Variants in RLF observed in about 807,000 individuals in gnomAD.
The protein encoded by RLF is zinc finger protein Rlf.
A neutral mutation model predicts 162.9 loss-of-function variants in RLF; 7 were observed. That is an observed-to-expected ratio of 0.04 (90% CI 0.02 to 0.08). RLF has a LOEUF of 0.08. Among genes scored for constraint, RLF ranks in the 10% least tolerant of loss-of-function variants. The pLI, the probability that RLF is intolerant of heterozygous loss-of-function variation, is 1.00. For synonymous variants in RLF, 782 were observed against 791.5 expected (o/e 0.99, Z 0.20); for missense variants, 1,664 against 2,244.7 (o/e 0.74, Z 5.23).
chr1:40,225,376 C>T (rs992502082), intron 6 of RLF, among the ~76,000 whole-genome samples: 9 of 151,722 alleles, frequency 5.9e-5, no homozygotes, highest in Admixed American at 4.6e-4. Flanking sequence ...GTCAGGAGTT[C>T]GAGACTAGCC....
chr1:40,207,193 A>G (rs1184920563), intron 5 of RLF, among the ~76,000 whole-genome samples: 1 of 152,226 alleles, frequency 6.6e-6, no homozygotes, highest in Non-Finnish European at 1.5e-5. Flanking sequence ...TTAGCCATGT[A>G]GGCACTCAAT....
intron 5 of RLF, among the ~76,000 whole-genome samples, chr1:40,213,311 T>A (rs1642885934): frequency 6.6e-6 from 1 of 152,216 alleles, no homozygotes; most frequent in African/African-American, 2.4e-5. Flanking sequence ...ATGATTGCAC[T>A]GGAGGGGGTC....
chr1:40,240,437 G>A lies in RLF; in HGVS notation c.5735G>A (p.Gly1912Glu). The A allele has an allele frequency of 6.2e-7, 1 of 1,610,926 alleles. No individual in the cohort carries two copies. Among genetic ancestry groups the A allele is most frequent in the Non-Finnish European group, 8.5e-7 (1 of 1,178,344 alleles). The change falls in exon 8 of 8, where the codon GGA becomes GAA. Residue 1912 changes from glycine to glutamate, a missense_variant. Transcript: ENST00000372771. ...PTKKTDELCV[G>E]SS is the part of the protein sequence containing the mutation. ...AAAAAGACAGATGAGCTTTGTGTAGGAAGTTCATAAGTAGCAATTTTGTTT... is the reference window on the plus strand; with the variant it reads ...AAAAAGACAGATGAGCTTTGTGTAGAAAGTTCATAAGTAGCAATTTTGTTT...
At chr1:40,177,111 C>G (rs1329038834) in intron 1 of RLF, among the ~76,000 whole-genome samples, 1 of 151,912 alleles carries the variant, frequency 6.6e-6, no homozygotes, top group African/African-American at 2.4e-5. Context: ...CCTCAGACTC[C>G]TGAGTAGCTG....
chr1:40,177,456 A>AT (rs1035060752), intron 1 of RLF, among the ~76,000 whole-genome samples: 122 of 148,034 alleles, frequency 8.2e-4, no homozygotes, highest in African/African-American at 2.1e-3. Flanking sequence ...CGCCTGGCTA[A>AT]TTTTTTTTTT....
intron 7 of RLF, among the ~76,000 whole-genome samples, chr1:40,232,401 T>G (rs1246070169): frequency 6.6e-6 from 1 of 152,166 alleles, no homozygotes; most frequent in Admixed American, 6.6e-5. Flanking sequence ...CAGTTCAGTT[T>G]TGTAAATCAG....
intron 6 of RLF, among the ~76,000 whole-genome samples, chr1:40,225,462 C>T (rs1036375931): frequency 1.3e-5 from 2 of 151,794 alleles, no homozygotes; most frequent in Admixed American, 1.3e-4. Flanking sequence ...GCCTGTAATC[C>T]CAGCTACCCT....
chr1:40,161,645 C>G lies in RLF; in HGVS notation c.237+9C>G, dbSNP rs1375620315. ...GCCGGAGCTTCTGCCAGGTGAGGGG[C>G]TGACTGGCTGGCTGAGGGCGGCGGG... On this transcript the variant is annotated intron_variant, in intron 1 of 7. Coordinates refer to ENST00000372771, the MANE Select transcript of RLF (RefSeq NM_012421.4). This position sits in a 1 kb window ranked among gnomAD's most constrained non-coding sequence, Gnocchi z 4.4. 2 of 1,608,954 alleles carry G rather than the reference C, an allele frequency of 1.2e-6. No individual in the cohort carries two copies. Among genetic ancestry groups the G allele is most frequent in the Admixed American group, 3.4e-5 (2 of 59,414 alleles).
At chr1:40,197,256 G>A (rs1006080061) in intron 4 of RLF, among the ~76,000 whole-genome samples, 1 of 152,204 alleles carries the variant, frequency 6.6e-6, no homozygotes, top group African/African-American at 2.4e-5. Flanking sequence ...GAAAAGTGCT[G>A]TTAAATAGAA....
At chr1:40,165,009 G>A (rs929796565) in intron 1 of RLF, among the ~76,000 whole-genome samples, 1 of 152,138 alleles carries the variant, frequency 6.6e-6, no homozygotes, top group Admixed American at 6.5e-5. Flanking sequence ...GTGTGACCTT[G>A]GGCATGTTAT....
chr1:40,239,574 A>G lies in RLF; in HGVS notation c.4872A>G (p.Glu1624=). 1 of 1,614,168 alleles carries G rather than the reference A, an allele frequency of 6.2e-7. No individual in the cohort carries two copies. The highest frequency in any genetic ancestry group is 8.5e-7 in the Non-Finnish European group (1 of 1,180,034). ...ENRSCESERT[E]HSHSPGDSSA... ...GAAGCTGTGAATCAGAGCGCACAGA[A>G]CACAGCCATTCCCCGGGTGACAGTA... Residue 1624 remains glutamate (E), a synonymous_variant, in exon 8 of 8, where the codon GAA becomes GAG. Transcript: ENST00000372771.
At chr1:40,187,448 G>GT (rs1230707073) in intron 1 of RLF, among the ~76,000 whole-genome samples, 1 of 152,088 alleles carries the variant, frequency 6.6e-6, no homozygotes, top group East Asian at 1.9e-4. Flanking sequence ...ATGTTACTCA[G>GT]TTTTTTTATT....
chr1:40,182,124 G>A (rs943109294), intron 1 of RLF, among the ~76,000 whole-genome samples: 4 of 151,928 alleles, frequency 2.6e-5, no homozygotes, highest in African/African-American at 9.7e-5. Flanking sequence ...TAAAATGTTC[G>A]GTTTAGGCAT....
At position 40,161,646 on chromosome 1, in the gene RLF, T is replaced by G; in HGVS notation, c.237+10T>G. The stretch of plus-strand genomic sequence containing the variant: ...CCGGAGCTTCTGCCAGGTGAGGGGC[T>G]GACTGGCTGGCTGAGGGCGGCGGGG... On this transcript the variant is annotated intron_variant, in intron 1 of 7. Coordinates refer to ENST00000372771, the MANE Select transcript of RLF (RefSeq NM_012421.4). This position sits in a 1 kb window ranked among gnomAD's most constrained non-coding sequence, Gnocchi z 4.4. 6.2e-7 allele frequency: 1 copy of G among 1,608,406 alleles called. No homozygotes were observed. Among genetic ancestry groups the G allele is most frequent in the Non-Finnish European group, 8.5e-7 (1 of 1,177,898 alleles).
At chr1:40,207,690 A>G (rs1642814316) in intron 5 of RLF, among the ~76,000 whole-genome samples, 1 of 152,164 alleles carries the variant, frequency 6.6e-6, no homozygotes, top group Admixed American at 6.5e-5. Flanking sequence ...GGCTCACTGC[A>G]GCCTCCACCT....
At chr1:40,173,064 A>G (rs891698312) in intron 1 of RLF, among the ~76,000 whole-genome samples, 7 of 145,784 alleles carry the variant, frequency 4.8e-5, no homozygotes, top group Non-Finnish European at 1.0e-4. Flanking sequence ...GCATTTTAGT[A>G]ACATTCAGGT....
chr1:40,208,447 TTTA>T (rs1642824911), intron 5 of RLF, among the ~76,000 whole-genome samples: 2 of 152,198 alleles, frequency 1.3e-5, no homozygotes, highest in African/African-American at 4.8e-5. Context: ...GCAGAAAACA[TTTA>T]TTGCTCACTT....
chr1:40,169,858 A>G (rs1403254000), intron 1 of RLF, among the ~76,000 whole-genome samples: 2 of 151,266 alleles, frequency 1.3e-5, no homozygotes, highest in African/African-American at 4.9e-5. Flanking sequence ...ACACCCGGCT[A>G]TTTGTATTTT....
chr1:40,201,211 T>TC (rs1642715521), intron 4 of RLF, among the ~76,000 whole-genome samples: 1 of 151,640 alleles, frequency 6.6e-6, no homozygotes, highest in Non-Finnish European at 1.5e-5. Flanking sequence ...CTGTTTTAGA[T>TC]TAACCACCTA....
Sources: allele counts gnomAD v4.1 joint callset (sites outside exome capture counted in the v4.1 genomes callset), GRCh38; gene constraint gnomAD v4.1.1; non-coding constraint Gnocchi (gnomAD v3.1); transcripts MANE v1.5; gene names NCBI Gene and HGNC (gene_info 2026-07-23, HGNC 2026-07-21).